The following ROBO2 variants were observed in gnomAD, a reference collection of about 807,000 sequenced individuals.
ROBO2 encodes roundabout homolog 2.
Under a neutral mutation model 160.8 loss-of-function variants are expected in ROBO2, and 53 were observed. The ratio of observed to expected loss-of-function variants is 0.33; its 90% CI spans 0.26 to 0.41. The LOEUF is 0.41. ROBO2 is among the 10% of genes least tolerant of loss of function. ROBO2 has a pLI of 1.00. For missense variants in ROBO2, 1,577 were observed against 1,722.4 expected (o/e 0.92, Z 1.49); for synonymous variants, 664 against 611.7 (o/e 1.09, Z -1.26).
intron 2 of ROBO2, among the ~76,000 whole-genome samples, chr3:76,234,282 A>C (rs930412042): frequency 6.6e-6 from 1 of 152,164 alleles, no homozygotes; most frequent in East Asian, 1.9e-4. Context: ...ATATGTCTTT[A>C]TGGTAGAATA....
chr3:76,356,279 CA>C (rs1484002976), intron 2 of ROBO2, among the ~76,000 whole-genome samples: 1 of 149,766 alleles, frequency 6.7e-6, no homozygotes, highest in Non-Finnish European at 1.5e-5. Flanking sequence ...AACAAGTGAG[CA>C]AAAAACAGAT....
intron 2 of ROBO2, among the ~76,000 whole-genome samples, chr3:76,339,733 A>C (rs568364492): frequency 1.3e-4 from 20 of 152,250 alleles, no homozygotes; most frequent in Non-Finnish European, 2.5e-4. Context: ...CACCACTTTG[A>C]ATATGAGTTT....
chr3:77,433,488 AT>A (rs2078991663), intron 2 of ROBO2, among the ~76,000 whole-genome samples: 1 of 40,640 alleles, frequency 2.5e-5, no homozygotes, highest in African/African-American at 2.8e-4. Flanking sequence ...GGCAACTTGT[AT>A]ATATATATAT....
At chr3:76,529,103 C>T (rs1037126202) in intron 2 of ROBO2, among the ~76,000 whole-genome samples, 5 of 152,074 alleles carry the variant, frequency 3.3e-5, no homozygotes, top group African/African-American at 4.8e-5. Flanking sequence ...GTTGACAGCT[C>T]TTCTGAAAGA....
chr3:77,247,257 A>G (rs965713190), intron 2 of ROBO2, among the ~76,000 whole-genome samples: 1 of 152,190 alleles, frequency 6.6e-6, no homozygotes, highest in Admixed American at 6.5e-5. Context: ...GCAGCCCAGA[A>G]TAGCTCCCAG....
intron 2 of ROBO2, among the ~76,000 whole-genome samples, chr3:76,481,324 C>G (rs1160243412): frequency 7.9e-5 from 12 of 152,004 alleles, no homozygotes. Context: ...TAATGAAAAA[C>G]TAGGGAAAGA....
At chr3:76,115,362 T>C (rs1394690786) in intron 2 of ROBO2, among the ~76,000 whole-genome samples, 1 of 152,114 alleles carries the variant, frequency 6.6e-6, no homozygotes, top group Non-Finnish European at 1.5e-5. Context: ...TTTTAAATAA[T>C]TTCTAGCATT....
chr3:76,888,234 G>T (rs151082110), intron 2 of ROBO2, among the ~76,000 whole-genome samples: 3 of 152,100 alleles, frequency 2.0e-5, no homozygotes, highest in African/African-American at 7.2e-5. Context: ...CAGGTGTAGT[G>T]GTGCACGCCT....
intron 2 of ROBO2, among the ~76,000 whole-genome samples, chr3:76,838,391 T>G (rs1576964068): frequency 6.6e-6 from 1 of 152,044 alleles, no homozygotes; most frequent in Non-Finnish European, 1.5e-5. Context: ...ATAAAGGCTT[T>G]AAAAAAAGAA....
intron 2 of ROBO2, among the ~76,000 whole-genome samples, chr3:76,060,371 T>G (rs992374038): frequency 6.6e-6 from 1 of 152,224 alleles, no homozygotes; most frequent in Non-Finnish European, 1.5e-5. Context: ...AATAAGTATG[T>G]CTGTGACCAT....
intron 2 of ROBO2, among the ~76,000 whole-genome samples, chr3:76,742,538 T>TA (rs544849069): frequency 4.6e-5 from 7 of 152,242 alleles, no homozygotes; most frequent in African/African-American, 1.4e-4. Flanking sequence ...GGTAAGAGCA[T>TA]ATTTCACCTC....
At chr3:76,977,712 T>G (rs1313337609) in intron 2 of ROBO2, among the ~76,000 whole-genome samples, 1 of 152,312 alleles carries the variant, frequency 6.6e-6, no homozygotes, top group East Asian at 1.9e-4. Context: ...CAACACCTTC[T>G]GCATTGCTGA....
chr3:76,658,385 A>T (rs976538803), intron 2 of ROBO2, among the ~76,000 whole-genome samples: 1 of 151,960 alleles, frequency 6.6e-6, no homozygotes, highest in African/African-American at 2.4e-5. Flanking sequence ...TGTGCAGAAC[A>T]TGCAGGTTTG....
intron 2 of ROBO2, among the ~76,000 whole-genome samples, chr3:76,121,965 A>G (rs549124208): frequency 2.6e-5 from 4 of 152,268 alleles, no homozygotes; most frequent in Non-Finnish European, 5.9e-5. Flanking sequence ...CTATTCCTCA[A>G]TGTATTTTCT....
intron 2 of ROBO2, among the ~76,000 whole-genome samples, chr3:76,384,910 A>C (rs1032299486): frequency 6.6e-5 from 10 of 152,186 alleles, no homozygotes; most frequent in Admixed American, 1.3e-4. Context: ...CTACCAGTGC[A>C]TGAACATCCA....
At chr3:75,972,574 T>C (rs2065027437) in intron 2 of ROBO2, among the ~76,000 whole-genome samples, 1 of 151,688 alleles carries the variant, frequency 6.6e-6, no homozygotes, top group Admixed American at 6.6e-5. Context: ...ATGTTAGGGA[T>C]TGCCTGGACA....
chr3:76,899,703 C>A (rs1221613140), intron 2 of ROBO2, among the ~76,000 whole-genome samples: 2 of 152,060 alleles, frequency 1.3e-5, no homozygotes, highest in Non-Finnish European at 2.9e-5. Context: ...TTAGAGAAAG[C>A]CCTGCCCTCA....
At position 76,673,280 on chromosome 3, in the gene ROBO2, G is replaced by T. The variant is rs144820167; in HGVS notation, c.110-424734G>T. 4.7e-4 allele frequency among the ~76,000 whole-genome samples: 72 copies of T among 152,218 alleles called. 1 individual carries two copies. Among genetic ancestry groups the T allele is most frequent in the Non-Finnish European group, 9.6e-4 (65 of 68,012 alleles). On this transcript the variant is annotated intron_variant, in intron 2 of 26. Coordinates refer to the ROBO2 transcript ENST00000487694. ...TCTTATGGGCTCTGCTTATCACAGG[G>T]ATTCTCATACTTCATTGAGATCGGA... is the stretch of plus-strand genomic sequence containing the variant.
At chr3:76,124,488 C>G (rs541594118) in intron 2 of ROBO2, among the ~76,000 whole-genome samples, 1 of 152,196 alleles carries the variant, frequency 6.6e-6, no homozygotes, top group South Asian at 2.1e-4. Flanking sequence ...GTGACCAGAA[C>G]ACTTATCATA....
Sources: gnomAD v4.1 joint callset for allele counts (sites outside exome capture counted in the v4.1 genomes callset) on GRCh38, gnomAD v4.1.1 for gene constraint, MANE v1.5 for transcripts, NCBI Gene and HGNC (gene_info 2026-07-23, HGNC 2026-07-21) for gene names.